The following E2F1 variants were observed in gnomAD, a reference collection of about 807,000 sequenced individuals.
E2F1 encodes E2F transcription factor 1.
Under a neutral mutation model 36.9 loss-of-function variants are expected in E2F1, and 7 were observed. The observed-to-expected ratio is 0.19, with a 90% CI of 0.11 to 0.36. The LOEUF is 0.36. Among genes scored for constraint, E2F1 ranks in the 10% least tolerant of loss-of-function variants. The probability of loss-of-function intolerance (pLI) is 1.00; values close to 1 mark genes in which losing one functional copy is unlikely to be tolerated. For synonymous variants in E2F1, 261 were observed against 263.1 expected (o/e 0.99, Z 0.08); for missense variants, 406 against 573.6 (o/e 0.71, Z 2.99).
chr20:33,677,970 T>C (rs541322592), intron 4 of E2F1, among the ~76,000 whole-genome samples: 1 of 152,312 alleles, frequency 6.6e-6, no homozygotes, highest in East Asian at 1.9e-4. Flanking sequence ...ACTTTTCTTT[T>C]TTAATCTGTA....
Position 33,678,311 on chromosome 20 carries a change from C to T in E2F1, c.615G>A (p.Gly205=). ...TTVGVGGRLE[G]LTQDLRQLQE... Reference sequence around the variant, plus strand: ...GCAGCTGTCGGAGGTCCTGGGTCAACCCCTCAAGCCGTCCGCCGACGCCCA... The same window carrying T: ...GCAGCTGTCGGAGGTCCTGGGTCAATCCCTCAAGCCGTCCGCCGACGCCCA... Residue 205 remains glycine, a synonymous_variant, in exon 4 of 7, where the codon GGG becomes GGA. Transcript: ENST00000343380. 1 of 1,612,724 alleles carries T rather than the reference C, an allele frequency of 6.2e-7. No individual in the cohort carries two copies. Among genetic ancestry groups the T allele is most frequent in the Non-Finnish European group, 8.5e-7 (1 of 1,180,016 alleles).
rs764834039 is a variant in E2F1, at chr20:33,677,331, CTGGG to C, written c.841-5_841-2del. ...TGCTCTTAAGGGAGATCTGAAAGTT[CTGGG>C]TGGAAGCAGCAGGCAGGGTAAACTG... On this transcript the variant is annotated splice_acceptor_variant and splice_polypyrimidine_tract_variant and intron_variant, in intron 5 of 6. Transcript: ENST00000343380. LOFTEE classifies it high-confidence loss of function. The C allele has an allele frequency of 6.2e-7, 1 of 1,612,906 alleles. No homozygotes were observed. Among genetic ancestry groups the C allele is most frequent in the South Asian group, 1.1e-5 (1 of 91,032 alleles).
In E2F1 at chr20:33,679,808, G is replaced by T; in HGVS notation, c.519C>A (p.Val173=). Residue 173 remains valine (V), a synonymous_variant, in exon 3 of 7, where the codon GTC becomes GTA. Transcript: ENST00000343380. This position sits in a 1 kb window ranked among gnomAD's most constrained non-coding sequence, Gnocchi z 4.6. ...QKRRIYDITN[V]LEGIQLIAKK... ...TGGCAATGAGCTGGATGCCCTCAAG[G>T]ACGTTGGTGATGTCATAGATGCGCC... is the stretch of plus-strand genomic sequence containing the variant. 1 of 1,614,166 alleles carries T rather than the reference G, an allele frequency of 6.2e-7. No homozygotes were observed. The highest frequency in any genetic ancestry group is 8.5e-7 in the Non-Finnish European group (1 of 1,180,046).
At chr20:33,683,430 G>T (rs2018035103) in intron 1 of E2F1, among the ~76,000 whole-genome samples, 1 of 130,724 alleles carries the variant, frequency 7.6e-6, no homozygotes, top group African/African-American at 3.1e-5. Flanking sequence ...CAACCTAGGT[G>T]ACAGAGCGAG....
rs1172875022 is a variant in E2F1, at chr20:33,679,199, G to A, written c.572+556C>T. 6.6e-6 allele frequency among the ~76,000 whole-genome samples: 1 copy of A among 152,260 alleles called. No individual in the cohort carries two copies. Among genetic ancestry groups the A allele is most frequent in the East Asian group, 1.9e-4 (1 of 5,198 alleles). On this transcript the variant is annotated intron_variant, in intron 3 of 6. Coordinates refer to ENST00000343380, the MANE Select transcript of E2F1 (RefSeq NM_005225.3). The surrounding 1 kb of genome is among the most constrained non-coding windows in gnomAD (Gnocchi z 4.6). ...GGGGCACAAGAGAACCTTCTAGGGT[G>A]TTGAAAATGCTCTTATCTTGATCTG...
chr20:33,678,924 G>C (rs957040469), intron 3 of E2F1, among the ~76,000 whole-genome samples: 1 of 152,182 alleles, frequency 6.6e-6, no homozygotes, highest in African/African-American at 2.4e-5. Context: ...CTGGGCGACA[G>C]AGCAACACCC....
In E2F1 at chr20:33,686,036, T is replaced by G. The variant is rs1429701584; in HGVS notation, c.229A>C (p.Ser77Arg). ...CGGCCGAGCGCGGGCCGCGGCGCACTGGGTGTGGGCCGGGGCGCCTGCGGT... is the reference window on the plus strand; with the variant it reads ...CGGCCGAGCGCGGGCCGCGGCGCACGGGGTGTGGGCCGGGGCGCCTGCGGT... The part of the protein sequence containing the change: ...ATPQAPRPTP[S>R]APRPALGRPP... The change falls in exon 1 of 7, where the codon AGT becomes CGT. Residue 77 changes from serine (S) to arginine (R), a missense_variant. This residue lies in a region of E2F1 where 77 missense variants were observed against 131.7 expected (regional missense o/e 0.58). Transcript: ENST00000343380. 3.5e-6 allele frequency: 4 copies of G among 1,132,644 alleles called. No homozygotes were observed. Among genetic ancestry groups the G allele is most frequent in the Admixed American group, 4.9e-5 (1 of 20,284 alleles). 70.2% of individuals were successfully genotyped at this position (1,132,644 alleles called of 1,614,324 possible). A position where few individuals can be genotyped will look rare whatever the true frequency, so the allele number is the denominator to read the frequency against.
At chr20:33,678,717 G>A (rs1470055688) in intron 3 of E2F1, among the ~76,000 whole-genome samples, 2 of 152,094 alleles carry the variant, frequency 1.3e-5, no homozygotes, top group Admixed American at 6.5e-5. Flanking sequence ...ACTTTGGGGG[G>A]CTGAGGCCAG....
At chr20:33,677,576 C>A in intron 4 of E2F1, 36 bp from the exon 5 acceptor site, 1 of 1,531,658 alleles carries the variant, frequency 6.5e-7, no homozygotes, top group South Asian at 1.1e-5. Flanking sequence ...CCTTTGACTT[C>A]TAGGGGGTCA....
chr20:33,678,575 G>A (rs558420205), intron 3 of E2F1, among the ~76,000 whole-genome samples: 2 of 152,246 alleles, frequency 1.3e-5, no homozygotes, highest in Non-Finnish European at 2.9e-5. Flanking sequence ...CAACCAGGGC[G>A]GGATAAACAA....
At chr20:33,684,645 C>T (rs927167726) in intron 1 of E2F1, among the ~76,000 whole-genome samples, 2 of 152,112 alleles carry the variant, frequency 1.3e-5, no homozygotes, top group African/African-American at 2.4e-5. Flanking sequence ...TTAAGTAAAG[C>T]GCTTGGCACA....
chr20:33,676,885 C>T lies in E2F1; in HGVS notation c.1161G>A (p.Val387=). 1 of 1,576,326 alleles carries T rather than the reference C, an allele frequency of 6.3e-7. No individual in the cohort carries two copies. Among genetic ancestry groups the T allele is most frequent in the Non-Finnish European group, 8.6e-7 (1 of 1,160,016 alleles). ...LVAADSLLEH[V]REDFSGLLPE... ...GGAGGAGGCCGGAGAAGTCCTCCCG[C>T]ACATGCTCCAGGAGCGAGTCGGCCG... The change falls in exon 7 of 7, where the codon GTG becomes GTA. Residue 387 remains valine (V), a synonymous_variant. Transcript: ENST00000343380.
rs1271436594 is a variant in E2F1, at chr20:33,675,510, T to C, written c.*1222A>G. ...CTACAACAAAAACCTTTACTGGATCTGCTTTTGAGTTAGGACCAAAACAGC... is the reference window on the plus strand; with the variant it reads ...CTACAACAAAAACCTTTACTGGATCCGCTTTTGAGTTAGGACCAAAACAGC... On this transcript the variant is annotated 3_prime_UTR_variant, in exon 7 of 7. Coordinates refer to ENST00000343380, the MANE Select transcript of E2F1 (RefSeq NM_005225.3). The C allele has an allele frequency of 6.4e-6, 1 of 156,846 alleles. No individual in the cohort carries two copies. Among genetic ancestry groups the C allele is most frequent in the Non-Finnish European group, 1.4e-5 (1 of 70,966 alleles). The allele number at this position is 156,846 out of a possible 1,614,324, so 9.7% of individuals were successfully genotyped here.
At chr20:33,685,297 G>A (rs1371778105) in intron 1 of E2F1, among the ~76,000 whole-genome samples, 2 of 152,044 alleles carry the variant, frequency 1.3e-5, no homozygotes, top group Admixed American at 6.5e-5. Flanking sequence ...GCAGAGGGAG[G>A]GGATCAGCAG....
In E2F1 at chr20:33,676,842, G is replaced by A. The variant is rs1346488069; in HGVS notation, c.1204C>T (p.Leu402Phe). ...SGLLPEEFIS[L>F]SPPHEALDYH... The stretch of plus-strand genomic sequence containing the variant: ...TCGAGGGCCTCGTGGGGTGGGGAAA[G>A]GCTGATGAACTCCTCAGGGAGGAGG... The change falls in exon 7 of 7, where the codon CTT becomes TTT. Residue 402 changes from leucine to phenylalanine, a missense_variant. Leu to Phe is a conservative substitution (Grantham distance 22). Around this residue, in one of 5 missense-constraint regions of E2F1, gnomAD observed 163 missense variants for 181.5 expected, o/e 0.90. Transcript: ENST00000343380. 2 of 1,593,332 alleles carry A rather than the reference G, an allele frequency of 1.3e-6. No individual in the cohort carries two copies. Among genetic ancestry groups the A allele is most frequent in the African/African-American group, 1.3e-5 (1 of 74,328 alleles).
At chr20:33,685,864 G>T in intron 1 of E2F1, 140 bp downstream of exon 1, 1 of 841,770 alleles carries the variant, frequency 1.2e-6, no homozygotes, top group Non-Finnish European at 1.5e-6. Context: ...GCCCAACCCC[G>T]GCTCTGCACC....
At position 33,677,128 on chromosome 20, in the gene E2F1, T is replaced by C; in HGVS notation, c.1043A>G (p.Gln348Arg). ...PPSSLTTDPSQSLLSLEQEPL... is the reference protein window; with the variant it reads ...PPSSLTTDPSRSLLSLEQEPL... ...ACCTTGCTCCAGGCTGAGTAGAGAC[T>C]GGCTGGGATCTGTGGTGAGGGATGA... is the stretch of plus-strand genomic sequence containing the variant. Residue 348 changes from glutamine (Q) to arginine (R), a missense_variant, in exon 6 of 7, where the codon CAG becomes CGG. Coordinates refer to ENST00000343380, the MANE Select transcript of E2F1 (RefSeq NM_005225.3). 6.3e-7 allele frequency: 1 copy of C among 1,589,880 alleles called. No homozygotes were observed. The highest frequency in any genetic ancestry group is 8.6e-7 in the Non-Finnish European group (1 of 1,165,676).
At chr20:33,681,262 C>T (rs1385665373) in intron 1 of E2F1, among the ~76,000 whole-genome samples, 2 of 152,110 alleles carry the variant, frequency 1.3e-5, no homozygotes, top group Non-Finnish European at 2.9e-5. Flanking sequence ...TGGTCTCAAA[C>T]TCCTAGGCTC....
Position 33,679,979 on chromosome 20 carries a change from G to C in E2F1, c.353-5C>G, listed in dbSNP as rs568759199. 3.3e-5 allele frequency: 53 copies of C among 1,610,636 alleles called. No individual in the cohort carries two copies. The South Asian group carries it at 4.2e-4, about 13-fold the overall frequency. On this transcript the variant is annotated splice_polypyrimidine_tract_variant and splice_region_variant and intron_variant, in intron 2 of 6. Coordinates refer to ENST00000343380, the MANE Select transcript of E2F1 (RefSeq NM_005225.3). This position sits in a 1 kb window ranked among gnomAD's most constrained non-coding sequence, Gnocchi z 4.6. The stretch of plus-strand genomic sequence containing the variant: ...TCTCCCCCGGGGATTTCACACCTGT[G>C]GGGGTGTGGTCAGGCAAGACAGGGC...
Sources: gnomAD v4.1 joint callset for allele counts (sites outside exome capture counted in the v4.1 genomes callset) on GRCh38, gnomAD v4.1.1 for gene constraint, gnomAD v4.1.1 regional missense constraint, Gnocchi (gnomAD v3.1) non-coding constraint, MANE v1.5 for transcripts, NCBI Gene and HGNC (gene_info 2026-07-23, HGNC 2026-07-21) for gene names.